Variants in ZNF609 observed in about 807,000 individuals in gnomAD.
ZNF609 encodes zinc finger protein 609.
In ZNF609, 11 loss-of-function variants were observed where a neutral mutation model predicts 109.5. The ratio of observed to expected loss-of-function variants is 0.10; its 90% CI spans 0.06 to 0.17. ZNF609 has a LOEUF of 0.17. ZNF609 is among the 10% of genes least tolerant of loss of function. The pLI, the probability that ZNF609 is intolerant of heterozygous loss-of-function variation, is 1.00. For missense variants in ZNF609, 1,559 were observed against 1,772.4 expected, an observed-to-expected ratio of 0.88 and a Z score of 2.16; for synonymous variants, 646 against 662.0, an observed-to-expected ratio of 0.98 and a Z score of 0.37.
chr15:64,680,737 G>T lies in ZNF609; in HGVS notation c.4037G>T (p.Gly1346Val). 6.2e-7 allele frequency: 1 copy of T among 1,613,500 alleles called. No individual in the cohort carries two copies. Among genetic ancestry groups the T allele is most frequent in the Non-Finnish European group, 8.5e-7 (1 of 1,179,952 alleles). The change falls in exon 8 of 10, where the codon GGG becomes GTG. Residue 1346 changes from glycine (G) to valine (V), a missense_variant. Around this residue, in one of 4 missense-constraint regions of ZNF609, gnomAD observed 1,204 missense variants for 1,314.1 expected, o/e 0.92. Coordinates refer to ENST00000326648, the MANE Select transcript of ZNF609 (RefSeq NM_015042.2). The part of the protein sequence containing the change: ...GSCSSVGGAS[G>V]GERSVDRPRT... The stretch of plus-strand genomic sequence containing the variant: ...TGTAGCAGCGTCGGGGGAGCAAGTG[G>T]GGGTGAACGGAGTGTTGACCGGCCC...
At chr15:64,680,591 T>TG in intron 7 of ZNF609, 55 bp from the exon 8 acceptor site, 1 of 1,275,632 alleles carries the variant, frequency 7.8e-7, no homozygotes, top group Non-Finnish European at 1.1e-6. Context: ...GTGTGTGTGG[T>TG]TGTATGCATA....
At chr15:64,462,093 A>T (rs1399682002) in intron 1 of ZNF609, among the ~76,000 whole-genome samples, 2 of 152,150 alleles carry the variant, frequency 1.3e-5, no homozygotes, top group African/African-American at 4.8e-5. Context: ...AGAGCTTTGG[A>T]TATGCTCCAT....
At chr15:64,563,880 C>G (rs927929200) in intron 2 of ZNF609, among the ~76,000 whole-genome samples, 11 of 152,044 alleles carry the variant, frequency 7.2e-5, no homozygotes, top group African/African-American at 2.4e-4. Flanking sequence ...GTCGCCGTGC[C>G]CGGCCTATTT....
Position 64,674,688 on chromosome 15 carries a change from G to A in ZNF609, c.1834G>A (p.Gly612Arg), listed in dbSNP as rs1423335235. The stretch of plus-strand genomic sequence containing the variant: ...CTTATCCAATGATGGCTCTGATGAT[G>A]GACCCTCAGTGATGGATGAAACAAG... ...GALSNDGSDD[G>R]PSVMDETSND... The change falls in exon 5 of 10, where the codon GGA becomes AGA. Residue 612 changes from glycine (G) to arginine (R), a missense_variant. This residue lies in a region of ZNF609 where 1,204 missense variants were observed against 1,314.1 expected (regional missense o/e 0.92). Coordinates refer to ENST00000326648, the MANE Select transcript of ZNF609 (RefSeq NM_015042.2). The A allele has an allele frequency of 6.2e-7, 1 of 1,614,106 alleles. No individual in the cohort carries two copies. Among genetic ancestry groups the A allele is most frequent in the Admixed American group, 1.7e-5 (1 of 60,026 alleles).
intron 2 of ZNF609, among the ~76,000 whole-genome samples, chr15:64,551,422 G>A (rs1330984055): frequency 1.3e-5 from 2 of 152,108 alleles, no homozygotes; most frequent in African/African-American, 2.4e-5. Flanking sequence ...TTGGGAGGCC[G>A]AGGCAGGCGG....
chr15:64,554,319 A>T (rs972362378), intron 2 of ZNF609, among the ~76,000 whole-genome samples: 9 of 152,142 alleles, frequency 5.9e-5, no homozygotes, highest in African/African-American at 2.2e-4. Flanking sequence ...TTTCTGGGTT[A>T]TCCAGATAAA....
At chr15:64,563,763 A>G (rs1163619240) in intron 2 of ZNF609, among the ~76,000 whole-genome samples, 2 of 151,828 alleles carry the variant, frequency 1.3e-5, no homozygotes, top group African/African-American at 4.8e-5. Context: ...AACGAGAGCG[A>G]AACTCTGTCT....
intron 2 of ZNF609, chr15:64,593,142 A>T: frequency 1.3e-6 from 2 of 1,585,300 alleles, no homozygotes; most frequent in South Asian, 1.1e-5. Context: ...GACATTTCTG[A>T]AGCGAGCGTC....
At chr15:64,516,406 C>T (rs1283508461) in intron 2 of ZNF609, among the ~76,000 whole-genome samples, 1 of 152,148 alleles carries the variant, frequency 6.6e-6, no homozygotes. Flanking sequence ...GAGTCTTGCT[C>T]TGTTGCCCAG....
intron 2 of ZNF609, among the ~76,000 whole-genome samples, chr15:64,581,657 T>C (rs995683814): frequency 3.3e-5 from 5 of 152,078 alleles, no homozygotes; most frequent in African/African-American, 1.2e-4. Flanking sequence ...CATCTAGTGA[T>C]TGTCAAGCTG....
At chr15:64,474,600 A>G (rs868746982) in intron 1 of ZNF609, among the ~76,000 whole-genome samples, 1 of 152,250 alleles carries the variant, frequency 6.6e-6, no homozygotes. Flanking sequence ...CATACTACAT[A>G]CAACTGCTGT....
rs1896775670 is a variant in ZNF609, at chr15:64,674,153, C to T, written c.1299C>T (p.Ser433=). 1.2e-6 allele frequency: 2 copies of T among 1,614,210 alleles called. No homozygotes were observed. Among genetic ancestry groups the T allele is most frequent in the Non-Finnish European group, 1.7e-6 (2 of 1,180,036 alleles). ...ASSTSEDVKA[S]PSSANKRKNK... ...GCACTTCTGAGGATGTCAAGGCCAG[C>T]CCTTCCTCAGCTAATAAGCGGAAAA... is the stretch of plus-strand genomic sequence containing the variant. Residue 433 remains serine, a synonymous_variant, in exon 5 of 10, where the codon AGC becomes AGT. Coordinates refer to ENST00000326648, the MANE Select transcript of ZNF609 (RefSeq NM_015042.2).
At chr15:64,576,165 G>C (rs1894949689) in intron 2 of ZNF609, among the ~76,000 whole-genome samples, 1 of 152,032 alleles carries the variant, frequency 6.6e-6, no homozygotes, top group South Asian at 2.1e-4. Flanking sequence ...GGCTAATCAG[G>C]ATTAGGCACC....
chr15:64,541,299 C>T (rs1595712322), intron 2 of ZNF609, among the ~76,000 whole-genome samples: 1 of 149,940 alleles, frequency 6.7e-6, no homozygotes, highest in South Asian at 2.1e-4. Context: ...TGGTGTCGGG[C>T]GCCTGTAGTC....
intron 3 of ZNF609, among the ~76,000 whole-genome samples, chr15:64,633,147 T>C (rs959525007): frequency 6.6e-6 from 1 of 150,824 alleles, no homozygotes; most frequent in Non-Finnish European, 1.5e-5. Flanking sequence ...ACGTTTTGTT[T>C]TGTTTTGTTT....
At chr15:64,581,096 GCA>G (rs1895097446) in intron 2 of ZNF609, among the ~76,000 whole-genome samples, 1 of 149,922 alleles carries the variant, frequency 6.7e-6, no homozygotes, top group Admixed American at 6.8e-5. Flanking sequence ...TACACTCATA[GCA>G]CACTGTGACC....
At chr15:64,535,517 A>G (rs1196212824) in intron 2 of ZNF609, among the ~76,000 whole-genome samples, 3 of 152,150 alleles carry the variant, frequency 2.0e-5, no homozygotes, top group Non-Finnish European at 2.9e-5. Flanking sequence ...GTTTTACCAT[A>G]TACGTGTTGG....
intron 2 of ZNF609, among the ~76,000 whole-genome samples, chr15:64,561,715 TTC>T (rs1278777470): frequency 2.6e-5 from 4 of 152,076 alleles, no homozygotes; most frequent in African/African-American, 9.7e-5. Flanking sequence ...ATAATTTTCA[TTC>T]CTGACTTTTT....
At chr15:64,678,626 G>GAAA in intron 6 of ZNF609, 144 bp downstream of exon 6, 1 of 1,183,232 alleles carries the variant, frequency 8.5e-7, no homozygotes, top group Non-Finnish European at 1.2e-6. Flanking sequence ...GTCATTCTGT[G>GAAA]AGGTGGCCAC....
Sources: allele counts gnomAD v4.1 joint callset (sites outside exome capture counted in the v4.1 genomes callset), GRCh38; gene constraint gnomAD v4.1.1; regional missense constraint gnomAD v4.1.1; transcripts MANE v1.5; gene names NCBI Gene and HGNC (gene_info 2026-07-23, HGNC 2026-07-21).